RANBP2: variants seen among roughly 807,000 people sequenced by gnomAD.
RANBP2 encodes the protein E3 SUMO-protein ligase RanBP2.
In RANBP2, 57 loss-of-function variants were observed where a neutral mutation model predicts 303.6. The ratio of observed to expected loss-of-function variants is 0.19; its 90% CI spans 0.15 to 0.23. The LOEUF (loss-of-function observed/expected upper bound fraction) is 0.23. RANBP2 is among the 10% of genes least tolerant of loss of function. RANBP2 has a pLI of 1.00. For missense variants in RANBP2, 3,138 were observed against 3,780.8 expected (o/e 0.83, Z 4.46); for synonymous variants, 1,167 against 1,301.5 (o/e 0.90, Z 2.23).
the RANBP2 span, among the ~76,000 whole-genome samples, chr2:109,742,941 A>G: frequency 2.6e-4 from 38 of 146,650 alleles, 3 homozygotes; most frequent in South Asian, 4.2e-3. Flanking sequence ...ATTTAATACA[A>G]AAATAAATGA....
the RANBP2 span, among the ~76,000 whole-genome samples, chr2:109,774,990 TG>T: frequency 1.2e-5 from 1 of 81,932 alleles, no homozygotes; most frequent in South Asian, 5.0e-4. Flanking sequence ...CATCTGAAAT[TG>T]TAAGGTGATT....
chr2:109,111,141 C>T, the RANBP2 span, among the ~76,000 whole-genome samples: 1 of 152,130 alleles, frequency 6.6e-6, no homozygotes, highest in African/African-American at 2.4e-5. Flanking sequence ...ACAAGGTAGC[C>T]CACTCTATTT....
chr2:109,577,321 G>C, the RANBP2 span, among the ~76,000 whole-genome samples: 181 of 152,242 alleles, frequency 1.2e-3, 1 homozygote, highest in African/African-American at 4.3e-3. Context: ...ACTCGGCCGG[G>C]CATGGTGGCT....
chr2:109,221,053 T>C, the RANBP2 span, among the ~76,000 whole-genome samples: 1 of 152,166 alleles, frequency 6.6e-6, no homozygotes, highest in Non-Finnish European at 1.5e-5. Context: ...GTATACACAG[T>C]TGAGGAATAT....
At chr2:108,932,549 A>AG in the RANBP2 span, among the ~76,000 whole-genome samples, 3 of 151,128 alleles carry the variant, frequency 2.0e-5, no homozygotes, top group Non-Finnish European at 2.9e-5. Flanking sequence ...AAAAAAAAAA[A>AG]AAAGAAAGAA....
the RANBP2 span, among the ~76,000 whole-genome samples, chr2:109,492,159 A>G: frequency 6.6e-6 from 1 of 151,944 alleles, no homozygotes; most frequent in African/African-American, 2.4e-5. Context: ...GTAAACCCCT[A>G]CTTGTGGACA....
downstream of RANBP2, among the ~76,000 whole-genome samples, chr2:108,788,439 C>T (rs1374823990): frequency 6.7e-6 from 1 of 149,244 alleles, no homozygotes; most frequent in Non-Finnish European, 1.5e-5. Context: ...AAAAAATAGG[C>T]TGCGCGCGGT....
chr2:109,312,169 T>C, the RANBP2 span, among the ~76,000 whole-genome samples: 1 of 152,212 alleles, frequency 6.6e-6, no homozygotes, highest in Non-Finnish European at 1.5e-5. Flanking sequence ...CTCCAAATCT[T>C]ACAAAGTCTA....
the RANBP2 span, among the ~76,000 whole-genome samples, chr2:109,268,742 TAAA>T: frequency 6.7e-6 from 1 of 150,078 alleles, no homozygotes; most frequent in African/African-American, 2.4e-5. Flanking sequence ...TACTTTATTA[TAAA>T]AAAAAAAAGG....
the RANBP2 span, among the ~76,000 whole-genome samples, chr2:109,155,332 G>A: frequency 3.8e-3 from 585 of 152,186 alleles, 6 homozygotes; most frequent in African/African-American, 0.013. Context: ...ATGGAGTCTC[G>A]CTCTGTTGCC....
chr2:109,253,934 C>T, the RANBP2 span, among the ~76,000 whole-genome samples: 1 of 152,090 alleles, frequency 6.6e-6, no homozygotes, highest in Non-Finnish European at 1.5e-5. Context: ...AATTCCCCTT[C>T]CACAGCTCTT....
the RANBP2 span, among the ~76,000 whole-genome samples, chr2:109,539,633 G>A: frequency 2.6e-5 from 4 of 152,194 alleles, no homozygotes; most frequent in South Asian, 4.1e-4. Flanking sequence ...TACTAGAGAC[G>A]GGGTTTCATC....
At chr2:109,047,192 T>A in the RANBP2 span, among the ~76,000 whole-genome samples, 1 of 152,114 alleles carries the variant, frequency 6.6e-6, no homozygotes, top group South Asian at 2.1e-4. Flanking sequence ...CCTGCTCCCC[T>A]GGGCCTCAAC....
At chr2:109,480,791 A>T in the RANBP2 span, among the ~76,000 whole-genome samples, 1 of 152,122 alleles carries the variant, frequency 6.6e-6, no homozygotes, top group Non-Finnish European at 1.5e-5. Context: ...GGGACCTGGG[A>T]CATTATGACC....
the RANBP2 span, among the ~76,000 whole-genome samples, chr2:109,332,398 G>A: frequency 1.3e-5 from 2 of 152,126 alleles, no homozygotes; most frequent in African/African-American, 2.4e-5. Flanking sequence ...TGACACTCCC[G>A]CGACTCCCCC....
At chr2:109,712,494 C>T in the RANBP2 span, among the ~76,000 whole-genome samples, 12 of 152,264 alleles carry the variant, frequency 7.9e-5, no homozygotes, top group East Asian at 1.9e-4. Context: ...TACAATAGCA[C>T]GATCTCTGCT....
the RANBP2 span, among the ~76,000 whole-genome samples, chr2:109,386,357 C>T: frequency 0.039 from 5,951 of 151,858 alleles, 282 homozygotes; most frequent in African/African-American, 0.11. Flanking sequence ...AAGGTCAGGC[C>T]GTACATGAAG....
chr2:109,369,578 G>T, the RANBP2 span, among the ~76,000 whole-genome samples: 6 of 152,278 alleles, frequency 3.9e-5, no homozygotes, highest in South Asian at 2.1e-4. Context: ...GCTGGGGGTT[G>T]GGGGAGAGGA....
the RANBP2 span, among the ~76,000 whole-genome samples, chr2:108,865,485 T>C: frequency 6.6e-6 from 1 of 152,226 alleles, no homozygotes; most frequent in African/African-American, 2.4e-5. Flanking sequence ...TGTTGATGTT[T>C]TTGTGCCATA....
Sources: gnomAD v4.1 joint callset for allele counts (sites outside exome capture counted in the v4.1 genomes callset) on GRCh38, gnomAD v4.1.1 for gene constraint, MANE v1.5 for transcripts, NCBI Gene and HGNC (gene_info 2026-07-23, HGNC 2026-07-21) for gene names.